CSDE1: variants seen among roughly 807,000 people sequenced by gnomAD.
The protein encoded by CSDE1 is cold shock domain-containing protein E1.
In CSDE1, 17 loss-of-function variants were observed where a neutral mutation model predicts 89.3. The observed-to-expected ratio is 0.19, with a 90% CI of 0.13 to 0.29. CSDE1 has a LOEUF of 0.29. Ranked by LOEUF, CSDE1 falls within the 10% of genes least tolerant of loss-of-function variation. The pLI is 1.00. For missense variants in CSDE1, 672 were observed against 984.2 expected (o/e 0.68, Z 4.24); for synonymous variants, 322 against 332.8 (o/e 0.97, Z 0.35).
rs1369972738 is a variant in CSDE1 at position 114,719,695 on chromosome 1, G to A, written c.2100C>T (p.Phe700=). 3 of 1,613,252 alleles carry A rather than the reference G, an allele frequency of 1.9e-6. No homozygotes were observed. Among genetic ancestry groups the A allele is most frequent in the Non-Finnish European group, 2.5e-6 (3 of 1,179,836 alleles). The change falls in exon 18 of 20, where the codon TTC becomes TTT. Residue 700 remains phenylalanine, a synonymous_variant. Transcript: ENST00000358528. ...YEVGDSKKLF[F]HVKEVQDGIE... ...TGCCATCCTGAACTTCTTTCACATG[G>A]AAAAAGAGCTTCTTGCTATCTCCTA... is the stretch of plus-strand genomic sequence containing the variant.
rs1322231550 is a variant in CSDE1, at chr1:114,725,308, G to A, written c.1666C>T (p.Leu556=). The A allele has an allele frequency of 1.2e-6, 2 of 1,614,052 alleles. No individual in the cohort carries two copies. The highest frequency in any genetic ancestry group is 2.2e-5 in the East Asian group (1 of 44,862). ...YSEFSGDVDS[L]ELGDMVEYSL... ...TACTCGACCATGTCCCCCAGTTCCAGGCTATCAACATCACCAGAGAACTCA... is the reference window on the plus strand; with the variant it reads ...TACTCGACCATGTCCCCCAGTTCCAAGCTATCAACATCACCAGAGAACTCA... Residue 556 remains leucine (L), a synonymous_variant, in exon 15 of 20, where the codon CTG becomes TTG. Transcript: ENST00000358528.
intron 17 of CSDE1, chr1:114,720,134 T>C (rs1337407753): frequency 9.5e-6 from 2 of 211,410 alleles, no homozygotes; most frequent in Non-Finnish European, 1.9e-5. Flanking sequence ...AGGACTCAGA[T>C]TTCCCTGAGA....
In CSDE1 at chr1:114,737,886, G is replaced by A. The variant is rs1660489765; in HGVS notation, c.309+77C>T. ...CTTTCGTGCAAACTGAGGAGATGGG[G>A]AGAATCTTCCTTTTCTAATGTGAAA... On this transcript the variant is annotated intron_variant, in intron 4 of 19. Transcript: ENST00000358528. 3.1e-6 allele frequency: 3 copies of A among 983,520 alleles called. No individual in the cohort carries two copies. The Admixed American group carries it at 5.2e-5, about 17-fold the overall frequency. 60.9% of individuals were successfully genotyped at this position (983,520 alleles called of 1,614,324 possible).
At chr1:114,743,196 G>A (rs1660826438) in intron 2 of CSDE1, among the ~76,000 whole-genome samples, 1 of 152,192 alleles carries the variant, frequency 6.6e-6, no homozygotes, top group Admixed American at 6.5e-5. Flanking sequence ...CACCCAGGCT[G>A]AATTAATTTA....
intron 6 of CSDE1, 134 bp from the exon 7 acceptor site, chr1:114,734,657 G>T: frequency 1.6e-6 from 1 of 635,098 alleles, no homozygotes; most frequent in South Asian, 2.2e-5. Context: ...ATAAATACAG[G>T]GTTTATGACA....
Position 114,752,133 on chromosome 1 carries a change from G to C in CSDE1, c.-387-1926C>G, listed in dbSNP as rs183992582. 3.9e-4 allele frequency among the ~76,000 whole-genome samples: 60 copies of C among 152,228 alleles called. No homozygotes were observed. The East Asian group carries it at 4.2e-3, about 11-fold the overall frequency. ...TACAAAAAATTAGCCAGGCATGGTG[G>C]TATACGCCTGGAGCCTCAGCTACTT... On this transcript the variant is annotated intron_variant, in intron 1 of 19. Transcript: ENST00000358528.
At chr1:114,745,071 T>C (rs567057777) in intron 2 of CSDE1, among the ~76,000 whole-genome samples, 96 of 152,088 alleles carry the variant, frequency 6.3e-4, no homozygotes, top group African/African-American at 2.2e-3. Context: ...TATACCAAAC[T>C]AGCAAAGACG....
At chr1:114,734,394 A>C in intron 7 of CSDE1, 48 bp downstream of exon 7, 1 of 1,527,088 alleles carries the variant, frequency 6.5e-7, no homozygotes, top group Non-Finnish European at 9.0e-7. Context: ...GAAGTACAAC[A>C]TTTCAAGTGG....
In CSDE1 at chr1:114,719,659, C is replaced by T. The variant is rs751650500; in HGVS notation, c.2136G>A (p.Gln712=). ...VKEVQDGIEL[Q]AGDEVEFSVI... is the part of the protein sequence containing the mutation. ...CTGAGAACTCCACCTCATCTCCTGC[C>T]TGTAGCTCAATGCCATCCTGAACTT... The change falls in exon 18 of 20, where the codon CAG becomes CAA. Residue 712 remains glutamine (Q), a synonymous_variant. Transcript: ENST00000358528. 14 of 1,613,934 alleles carry T rather than the reference C, an allele frequency of 8.7e-6. No individual in the cohort carries two copies. In the Admixed American group the frequency reaches 2.3e-4, roughly 27 times the overall value.
intron 2 of CSDE1, among the ~76,000 whole-genome samples, chr1:114,742,255 T>C (rs761575285): frequency 1.3e-5 from 2 of 152,152 alleles, no homozygotes; most frequent in African/African-American, 2.4e-5. Flanking sequence ...TAAGGAGATA[T>C]ATAAATTTAG....
At position 114,718,473 on chromosome 1, in the gene CSDE1, T is replaced by A; in HGVS notation, c.2349+140A>T. ...ATTAGGTTAGGGGGCTGAACCAATG[T>A]GTAGAAAGTCCTAACTAGTTATAAG... On this transcript the variant is annotated intron_variant, in intron 19 of 19. Transcript: ENST00000358528. The A allele has an allele frequency of 2.5e-6, 3 of 1,180,874 alleles. No homozygotes were observed. The South Asian group carries it at 4.7e-5, about 19-fold the overall frequency. The allele number at this position is 1,180,874 out of a possible 1,614,324, so 73.1% of individuals were successfully genotyped here.
chr1:114,738,385 GT>G (rs1332374469), intron 3 of CSDE1, among the ~76,000 whole-genome samples: 1 of 152,004 alleles, frequency 6.6e-6, no homozygotes, highest in African/African-American at 2.4e-5. Flanking sequence ...CTTAATCTTA[GT>G]TTTTATGGCA....
At chr1:114,736,085 A>C (rs551382563) in intron 6 of CSDE1, among the ~76,000 whole-genome samples, 16 of 152,270 alleles carry the variant, frequency 1.1e-4, no homozygotes, top group African/African-American at 3.6e-4. Flanking sequence ...AGGCCAGAAA[A>C]ACAGTATTTG....
chr1:114,729,701 A>G (rs899792763), intron 12 of CSDE1, among the ~76,000 whole-genome samples: 1 of 152,144 alleles, frequency 6.6e-6, no homozygotes, highest in African/African-American at 2.4e-5. Flanking sequence ...CTTCAATAGC[A>G]ATATTTTATA....
In CSDE1 at chr1:114,719,748, AAAAAAAAGTAGGT is replaced by A. The variant is rs752051958; in HGVS notation, c.2053-19_2053-7del. ...TCATAGTTAATGAAGCCAAACTGAA[AAAAAAAAGTAGGT>A]AAAAAAGAGAGGGCATGCCACACCT... is the stretch of plus-strand genomic sequence containing the variant. On this transcript the variant is annotated splice_region_variant and splice_polypyrimidine_tract_variant and intron_variant, in intron 17 of 19. Coordinates refer to ENST00000358528, the MANE Select transcript of CSDE1 (RefSeq NM_001007553.3). 2 of 1,606,282 alleles carry A rather than the reference AAAAAAAAGTAGGT, an allele frequency of 1.2e-6. No individual in the cohort carries two copies. Among genetic ancestry groups the A allele is most frequent in the Middle Eastern group, 1.7e-4 (1 of 5,994 alleles).
chr1:114,738,963 C>A (rs543086408), intron 3 of CSDE1, among the ~76,000 whole-genome samples: 162 of 152,088 alleles, frequency 1.1e-3, no homozygotes, highest in African/African-American at 3.6e-3. Flanking sequence ...CAGGCATGAG[C>A]CACCATGCCA....
intron 1 of CSDE1, among the ~76,000 whole-genome samples, chr1:114,752,276 T>C (rs1397092209): frequency 6.6e-6 from 1 of 152,054 alleles, no homozygotes; most frequent in Admixed American, 6.6e-5. Context: ...CAATTTCATT[T>C]CTCATCTCCC....
At chr1:114,736,042 C>T (rs1037748186) in intron 6 of CSDE1, among the ~76,000 whole-genome samples, 1 of 152,142 alleles carries the variant, frequency 6.6e-6, no homozygotes, top group African/African-American at 2.4e-5. Flanking sequence ...CTCCTTAGCC[C>T]AGTTTATGGT....
At chr1:114,741,356 C>T (rs1660716918) in intron 2 of CSDE1, among the ~76,000 whole-genome samples, 2 of 152,178 alleles carry the variant, frequency 1.3e-5, no homozygotes, top group Middle Eastern at 6.8e-3. Flanking sequence ...ATACTTTGGG[C>T]AGTAAGACCC....
Sources: allele counts gnomAD v4.1 joint callset (sites outside exome capture counted in the v4.1 genomes callset), GRCh38; gene constraint gnomAD v4.1.1; transcripts MANE v1.5; gene names NCBI Gene and HGNC (gene_info 2026-07-23, HGNC 2026-07-21).